The following EPHA3 variants were observed in gnomAD, a reference collection of about 807,000 sequenced individuals.
EPHA3 encodes EPH receptor A3.
EPHA3 carries 42 observed loss-of-function variants against 107.1 expected under a neutral mutation model. The ratio of observed to expected loss-of-function variants is 0.39; its 90% CI spans 0.31 to 0.51. EPHA3 has a LOEUF of 0.51. EPHA3 is among the 20% of genes least tolerant of loss of function. EPHA3 has a pLI of 0.78. For missense variants in EPHA3, 1,183 were observed against 1,211.2 expected (o/e 0.98, Z 0.35); for synonymous variants, 461 against 424.8 (o/e 1.09, Z -1.05).
chr3:89,357,976 TAGA>T lies in EPHA3; in HGVS notation c.1306+15894_1306+15896del, dbSNP rs930853065. The stretch of plus-strand genomic sequence containing the variant: ...TATTAAAATCCTAATATAAAATGGC[TAGA>T]AGAAGAACTAGGTTTTACAACTATT... On this transcript the variant is annotated intron_variant, in intron 5 of 16. Transcript: ENST00000336596. Among the ~76,000 whole-genome samples the T allele has an allele frequency of 7.9e-4, 119 of 151,424 alleles. 1 individual carries two copies. The highest frequency in any genetic ancestry group is 2.8e-3 in the African/African-American group (116 of 41,492).
intron 3 of EPHA3, among the ~76,000 whole-genome samples, chr3:89,263,382 G>C (rs528924134): frequency 9.8e-5 from 15 of 152,302 alleles, no homozygotes; most frequent in African/African-American, 3.4e-4. Context: ...CAAAAGGCCA[G>C]TGTGATAGGC....
At chr3:89,284,365 C>A (rs1706027008) in intron 3 of EPHA3, among the ~76,000 whole-genome samples, 1 of 151,978 alleles carries the variant, frequency 6.6e-6, no homozygotes, top group South Asian at 2.1e-4. Flanking sequence ...GCGGATAAAC[C>A]AATCTAGAAC....
intron 5 of EPHA3, among the ~76,000 whole-genome samples, chr3:89,369,912 A>C (rs1211027613): frequency 1.3e-5 from 2 of 150,850 alleles, no homozygotes; most frequent in Admixed American, 1.3e-4. Flanking sequence ...AAAAATGCTC[A>C]CCATCACTGG....
At chr3:89,295,790 A>C (rs1018593349) in intron 3 of EPHA3, among the ~76,000 whole-genome samples, 1 of 151,694 alleles carries the variant, frequency 6.6e-6, no homozygotes, top group African/African-American at 2.4e-5. Flanking sequence ...GAGTTTCCCT[A>C]TGTTGGCCAG....
chr3:89,460,823 C>CTTT lies in EPHA3; in HGVS notation c.2690+10466_2690+10468dup, dbSNP rs753656853. ...ATACCCAAGTGATCTCTCTGTCTCT[C>CTTT]TTTTTTTTTTTTTTTATTATACTCT... On this transcript the variant is annotated intron_variant, in intron 15 of 16. Coordinates refer to ENST00000336596, the MANE Select transcript of EPHA3 (RefSeq NM_005233.6). Among the ~76,000 whole-genome samples the CTTT allele has an allele frequency of 3.9e-5, 4 of 103,026 alleles. 1 individual carries two copies. Among genetic ancestry groups the CTTT allele is most frequent in the African/African-American group, 1.5e-4 (4 of 27,276 alleles). The allele number at this position is 103,026 out of a possible 152,430, so 67.6% of individuals were successfully genotyped here.
At chr3:89,382,943 A>G (rs192823363) in intron 5 of EPHA3, among the ~76,000 whole-genome samples, 1 of 152,358 alleles carries the variant, frequency 6.6e-6, no homozygotes, top group African/African-American at 2.4e-5. Flanking sequence ...ATGCCAGAGC[A>G]TCAGGAATAC....
chr3:89,250,736 C>G (rs1381254664), intron 3 of EPHA3, among the ~76,000 whole-genome samples: 1 of 152,202 alleles, frequency 6.6e-6, no homozygotes, highest in Non-Finnish European at 1.5e-5. Flanking sequence ...TCCTTTTCTA[C>G]TAATCTCTTT....
intron 9 of EPHA3, 88 bp from the exon 10 acceptor site, chr3:89,413,053 T>G: frequency 6.4e-7 from 1 of 1,565,822 alleles, no homozygotes; most frequent in East Asian, 2.3e-5. Flanking sequence ...GTAGGGATTT[T>G]TTTAAACCAA....
At chr3:89,441,104 C>T (rs562011549) in intron 13 of EPHA3, among the ~76,000 whole-genome samples, 2 of 152,238 alleles carry the variant, frequency 1.3e-5, no homozygotes, top group Admixed American at 1.3e-4. Context: ...AGACACCTGG[C>T]TAAAATTAAA....
At chr3:89,219,688 G>GTGTTTTTTTTTGTTTTTTTGTTTTTT in intron 3 of EPHA3, among the ~76,000 whole-genome samples, 1 of 34,442 alleles carries the variant, frequency 2.9e-5, no homozygotes, top group African/African-American at 1.2e-4. Context: ...ATTTGGCAAT[G>GTGTTTTTTTTTGTTTTTTTGTTTTTT]TTTTTTTTTT....
chr3:89,357,875 A>G (rs1358995454), intron 5 of EPHA3, among the ~76,000 whole-genome samples: 2 of 151,188 alleles, frequency 1.3e-5, no homozygotes, highest in South Asian at 4.2e-4. Flanking sequence ...AATCCCATCC[A>G]TCTTCCCTGA....
chr3:89,420,625 A>T (rs1182292373), intron 11 of EPHA3, among the ~76,000 whole-genome samples: 1 of 151,364 alleles, frequency 6.6e-6, no homozygotes, highest in Non-Finnish European at 1.5e-5. Flanking sequence ...CATAATTAGT[A>T]AGGATTGGGA....
At chr3:89,421,776 A>G (rs1709357407) in intron 11 of EPHA3, among the ~76,000 whole-genome samples, 1 of 151,416 alleles carries the variant, frequency 6.6e-6, no homozygotes, top group Non-Finnish European at 1.5e-5. Context: ...CTTTAGATAT[A>G]AAACTGAAAC....
intron 5 of EPHA3, among the ~76,000 whole-genome samples, chr3:89,374,270 G>C (rs1039120748): frequency 2.6e-5 from 4 of 151,876 alleles, no homozygotes; most frequent in African/African-American, 9.7e-5. Context: ...ATGGGTCCTT[G>C]CCATGTAGAT....
At chr3:89,421,445 G>T (rs1271577450) in intron 11 of EPHA3, among the ~76,000 whole-genome samples, 3 of 151,082 alleles carry the variant, frequency 2.0e-5, no homozygotes, top group African/African-American at 7.3e-5. Context: ...CTTTTCAAAG[G>T]AGTGCATTTA....
intron 8 of EPHA3, 79 bp downstream of exon 8, chr3:89,407,450 A>AGTGTG (rs1709077474): frequency 2.3e-5 from 26 of 1,121,184 alleles, no homozygotes; most frequent in Non-Finnish European, 4.0e-6. Context: ...AAATGTGAAG[A>AGTGTG]GTGTGCTCAA....
At chr3:89,410,714 A>G (rs1437044595) in intron 9 of EPHA3, among the ~76,000 whole-genome samples, 1 of 151,988 alleles carries the variant, frequency 6.6e-6, no homozygotes, top group Non-Finnish European at 1.5e-5. Flanking sequence ...AAAAGACTCC[A>G]ACAAGATTTT....
intron 5 of EPHA3, among the ~76,000 whole-genome samples, chr3:89,364,984 A>G (rs1708160966): frequency 6.6e-6 from 1 of 151,028 alleles, no homozygotes; most frequent in African/African-American, 2.4e-5. Context: ...TTATGTGACC[A>G]ACACTGTGCT....
intron 15 of EPHA3, among the ~76,000 whole-genome samples, chr3:89,451,648 T>C (rs1481513453): frequency 1.3e-5 from 2 of 152,264 alleles, no homozygotes; most frequent in East Asian, 3.9e-4. Flanking sequence ...AGTATCTTGA[T>C]TGGTACAATG....
Sources: allele counts gnomAD v4.1 joint callset (sites outside exome capture counted in the v4.1 genomes callset), GRCh38; gene constraint gnomAD v4.1.1; transcripts MANE v1.5; gene names NCBI Gene and HGNC (gene_info 2026-07-23, HGNC 2026-07-21).